Variants in UBAC2 observed in about 807,000 individuals in gnomAD.
UBAC2 encodes UBA domain containing 2, also known as ubiquitin-associated domain-containing protein 2.
Under a neutral mutation model 44.0 loss-of-function variants are expected in UBAC2, and 26 were observed. The ratio of observed to expected loss-of-function variants is 0.59; its 90% confidence interval spans 0.43 to 0.82. The LOEUF (loss-of-function observed/expected upper bound fraction) is 0.82, where lower values mean the gene tolerates loss of function less well. Among genes scored for constraint, UBAC2 ranks in the 40% least tolerant of loss-of-function variants. The pLI is 0.00. For synonymous variants in UBAC2, 155 were observed against 154.3 expected (o/e 1.00, Z -0.04); for missense variants, 329 against 419.4 (o/e 0.78, Z 1.88).
Position 99,238,414 on chromosome 13 carries a change from T to G in UBAC2, c.32-13T>G, listed in dbSNP as rs377380322. On this transcript the variant is annotated splice_polypyrimidine_tract_variant and intron_variant, in intron 1 of 8. Coordinates refer to ENST00000403766, the MANE Select transcript of UBAC2 (RefSeq NM_001144072.2). The stretch of plus-strand genomic sequence containing the variant: ...AACAATCATTCTGAAAGTGCTTTCC[T>G]TTTTCCCTCCAGACAAGGCGCCTCT... 39 of 1,609,402 alleles carry G rather than the reference T, an allele frequency of 2.4e-5. No homozygotes were observed. Among genetic ancestry groups the G allele is most frequent in the Non-Finnish European group, 3.1e-5 (37 of 1,177,418 alleles).
chr13:99,352,970 C>T (rs764238941), intron 7 of UBAC2, among the ~76,000 whole-genome samples: 5 of 152,158 alleles, frequency 3.3e-5, no homozygotes, highest in African/African-American at 7.2e-5. Flanking sequence ...TCATGTGTCC[C>T]GAGCATCCTC....
At chr13:99,202,386 G>A (rs764673689) in intron 1 of UBAC2, among the ~76,000 whole-genome samples, 1 of 152,170 alleles carries the variant, frequency 6.6e-6, no homozygotes, top group Non-Finnish European at 1.5e-5. Flanking sequence ...AGTTCAAGAA[G>A]GCAATGTGGT....
chr13:99,240,295 C>T (rs1462221184), intron 2 of UBAC2, among the ~76,000 whole-genome samples: 1 of 152,142 alleles, frequency 6.6e-6, no homozygotes, highest in Non-Finnish European at 1.5e-5. Flanking sequence ...TATTCTTATA[C>T]CAGCTCTCAT....
At position 99,244,601 on chromosome 13, in the gene UBAC2, A is replaced by T. The variant is rs2043359121; in HGVS notation, c.366A>T (p.Ala122=). Residue 122 remains alanine (A), a synonymous_variant, in exon 4 of 9, where the codon GCA becomes GCT. Coordinates refer to ENST00000403766, the MANE Select transcript of UBAC2 (RefSeq NM_001144072.2). ...EAMQYFFGIT[A]ASNLPSGFLA... ...TGCAGTATTTCTTTGGCATCACTGC[A>T]GCTAGTAATTTGCCTTCTGGATTGT... 2 of 1,612,424 alleles carry T rather than the reference A, an allele frequency of 1.2e-6. No homozygotes were observed. The highest frequency in any genetic ancestry group is 2.7e-5 in the African/African-American group (2 of 75,002).
At chr13:99,201,658 CAGTT>C (rs34924388) in intron 1 of UBAC2, 765,599 of 1,404,676 alleles carry the variant, frequency 0.55, 219,485 homozygotes, top group Non-Finnish European at 0.6. Context: ...TGCGTGTTAA[CAGTT>C]AGGCACGGGT....
At chr13:99,368,467 T>A (rs1426929302) in intron 8 of UBAC2, among the ~76,000 whole-genome samples, 5 of 152,152 alleles carry the variant, frequency 3.3e-5, no homozygotes, top group Admixed American at 3.3e-4. Flanking sequence ...CAAAAAGAAC[T>A]GCAAACAAAT....
chr13:99,373,720 G>T (rs2045440975), intron 8 of UBAC2, among the ~76,000 whole-genome samples: 1 of 152,150 alleles, frequency 6.6e-6, no homozygotes, highest in Admixed American at 6.5e-5. Flanking sequence ...GGAGTAGAGG[G>T]GACTGGAGGG....
At chr13:99,255,124 A>G (rs1566470533) in intron 4 of UBAC2, 10 of 1,614,016 alleles carry the variant, frequency 6.2e-6, no homozygotes, top group Middle Eastern at 3.3e-4. Flanking sequence ...AGCGAAACAG[A>G]TGTGGAAGGG....
At chr13:99,326,780 C>T (rs527271278) in intron 6 of UBAC2, among the ~76,000 whole-genome samples, 1 of 152,174 alleles carries the variant, frequency 6.6e-6, no homozygotes, top group African/African-American at 2.4e-5. Flanking sequence ...TCTCAAGGCT[C>T]TCATCCATGT....
At chr13:99,316,442 A>C (rs148765658) in intron 5 of UBAC2, among the ~76,000 whole-genome samples, 109 of 152,336 alleles carry the variant, frequency 7.2e-4, no homozygotes, top group African/African-American at 2.5e-3. Flanking sequence ...TGAATGAATG[A>C]AGACTTGAAT....
chr13:99,317,870 A>G, intron 5 of UBAC2, 152 bp from the exon 6 acceptor site: 1 of 541,696 alleles, frequency 1.8e-6, no homozygotes, highest in South Asian at 3.3e-5. Context: ...GTAACAGTTG[A>G]TATTTACTAA....
chr13:99,292,127 C>CT lies in UBAC2; in HGVS notation c.390-21960dup, dbSNP rs969731169. Among the ~76,000 whole-genome samples, 518 of 149,040 alleles carry CT rather than the reference C, an allele frequency of 3.5e-3. 3 individuals are homozygous for CT. Among genetic ancestry groups the CT allele is most frequent in the African/African-American group, 0.012 (489 of 40,558 alleles). Reference sequence around the variant, plus strand: ...AGGATACAGAATTGGGGTTACATTCCTTTTTTTTTTCTTTTCTTTTTTTTT... The same window carrying CT: ...AGGATACAGAATTGGGGTTACATTCCTTTTTTTTTTTCTTTTCTTTTTTTTT... On this transcript the variant is annotated intron_variant, in intron 4 of 8. Coordinates refer to ENST00000403766, the MANE Select transcript of UBAC2 (RefSeq NM_001144072.2).
At chr13:99,228,441 AC>A (rs1352027813) in intron 1 of UBAC2, among the ~76,000 whole-genome samples, 1 of 148,870 alleles carries the variant, frequency 6.7e-6, no homozygotes, top group Non-Finnish European at 1.5e-5. Context: ...GCTCCCCCGC[AC>A]CCCACCACGC....
chr13:99,330,474 A>AAAAAAAAAAAAAAAAAAAAAAAAAAAT (rs1286562104), intron 6 of UBAC2, among the ~76,000 whole-genome samples: 1 of 149,348 alleles, frequency 6.7e-6, no homozygotes, highest in Non-Finnish European at 1.5e-5. Context: ...AAAAAAAAAA[A>AAAAAAAAAAAAAAAAAAAAAAAAAAAT]AAGAAATACA....
At chr13:99,230,823 G>T (rs2039691536) in intron 1 of UBAC2, among the ~76,000 whole-genome samples, 1 of 152,114 alleles carries the variant, frequency 6.6e-6, no homozygotes, top group Non-Finnish European at 1.5e-5. Flanking sequence ...GGCCGAGGCG[G>T]GTGGATCATG....
intron 6 of UBAC2, among the ~76,000 whole-genome samples, chr13:99,334,288 T>G (rs1465336649): frequency 1.3e-5 from 2 of 152,148 alleles, no homozygotes; most frequent in African/African-American, 2.4e-5. Flanking sequence ...TTAAGGTATA[T>G]AGGTGTAAAA....
intron 1 of UBAC2, among the ~76,000 whole-genome samples, chr13:99,225,176 A>T (rs1039486389): frequency 6.6e-6 from 1 of 152,214 alleles, no homozygotes; most frequent in Admixed American, 6.5e-5. Context: ...TAAAATGTAC[A>T]ATCTTAACTA....
rs80063222 is a variant in UBAC2 at position 99,358,703 on chromosome 13, C to T, written c.808-9084C>T. On this transcript the variant is annotated intron_variant, in intron 7 of 8. Coordinates refer to ENST00000403766, the MANE Select transcript of UBAC2 (RefSeq NM_001144072.2). ...CCCGGCCATGGACTGTGGTCTCACA[C>T]GGGGCAGTGAGAGTGAGGGTGGAGA... Among the ~76,000 whole-genome samples the T allele has an allele frequency of 6.3e-3, 954 of 152,210 alleles. 7 individuals are homozygous for T. The highest frequency in any genetic ancestry group is 0.022 in the African/African-American group (902 of 41,544).
At chr13:99,314,263 T>C (rs1480569570) in intron 5 of UBAC2, 43 bp downstream of exon 5, 1 of 353,560 alleles carries the variant, frequency 2.8e-6, no homozygotes, top group Non-Finnish European at 3.7e-6. Context: ...TAACCAGATC[T>C]TTTTTTTTTT....
Sources: gnomAD v4.1 joint callset for allele counts (sites outside exome capture counted in the v4.1 genomes callset) on GRCh38, gnomAD v4.1.1 for gene constraint, MANE v1.5 for transcripts, NCBI Gene and HGNC (gene_info 2026-07-23, HGNC 2026-07-21) for gene names.